Variants in SYNPO2 observed in about 807,000 individuals in gnomAD.
SYNPO2 encodes the protein synaptopodin 2, also known as synaptopodin-2.
In SYNPO2, 56 loss-of-function variants were observed where a neutral mutation model predicts 85.0. That is an observed-to-expected ratio of 0.66 (90% CI 0.53 to 0.82). The LOEUF is 0.82. SYNPO2 is among the 40% of genes least tolerant of loss of function. The probability of loss-of-function intolerance (pLI) is 0.00; values close to 1 mark genes in which losing one functional copy is unlikely to be tolerated. For synonymous variants in SYNPO2, 602 were observed against 591.1 expected (o/e 1.02, Z -0.27); for missense variants, 1,575 against 1,534.2 (o/e 1.03, Z -0.44).
chr4:118,919,540 T>A (rs1013501471), intron 1 of SYNPO2, among the ~76,000 whole-genome samples: 2 of 152,200 alleles, frequency 1.3e-5, no homozygotes, highest in African/African-American at 2.4e-5. Flanking sequence ...AAAGTTCTTC[T>A]CTTCAAAAAG....
intron 1 of SYNPO2, among the ~76,000 whole-genome samples, chr4:119,001,844 T>C (rs1736835102): frequency 6.6e-6 from 1 of 151,904 alleles, no homozygotes; most frequent in Non-Finnish European, 1.5e-5. Flanking sequence ...TATACATCTG[T>C]GTTTACCTTT....
chr4:118,917,615 C>G (rs1733385348), intron 1 of SYNPO2, among the ~76,000 whole-genome samples: 1 of 151,462 alleles, frequency 6.6e-6, no homozygotes, highest in African/African-American at 2.4e-5. Context: ...ACAATTTGGT[C>G]AAAACCAAAA....
At chr4:119,036,069 A>G (rs1738501041) in intron 4 of SYNPO2, 1 of 985,390 alleles carries the variant, frequency 1.0e-6, no homozygotes, top group Non-Finnish European at 1.2e-6. Flanking sequence ...CATTTCATCC[A>G]GTTATAAACT....
chr4:118,974,204 G>A (rs28591397), intron 1 of SYNPO2, among the ~76,000 whole-genome samples: 407 of 152,366 alleles, frequency 2.7e-3, no homozygotes, highest in African/African-American at 9.5e-3. Context: ...GCCGTAGCAA[G>A]TGGCATCTGT....
intron 1 of SYNPO2, among the ~76,000 whole-genome samples, chr4:118,950,168 T>C (rs970016323): frequency 7.2e-5 from 11 of 152,216 alleles, no homozygotes; most frequent in Non-Finnish European, 1.3e-4. Context: ...CATTAATTTG[T>C]AATAAGTTTT....
At chr4:118,915,627 T>C (rs1733290445) in intron 1 of SYNPO2, among the ~76,000 whole-genome samples, 1 of 152,184 alleles carries the variant, frequency 6.6e-6, no homozygotes, top group African/African-American at 2.4e-5. Context: ...TTTTTGCTAT[T>C]GTGAACACGT....
rs1300115131 is a variant in SYNPO2, at chr4:119,057,898, C to T, written c.3750C>T (p.Tyr1250=). The T allele has an allele frequency of 5.0e-6, 8 of 1,613,994 alleles. No homozygotes were observed. Among genetic ancestry groups the T allele is most frequent in the Non-Finnish European group, 6.8e-6 (8 of 1,179,952 alleles). Residue 1250 remains tyrosine, a synonymous_variant, in exon 5 of 5, where the codon TAC becomes TAT. Transcript: ENST00000307142. ...DYCLPVADYN[Y]NPHPRGWRRQ... is the part of the protein sequence containing the mutation. ...GTCTTCCAGTAGCTGATTACAACTA[C>T]AACCCACACCCAAGGGGATGGAGAC...
At chr4:119,010,868 A>G (rs1737270955) in intron 1 of SYNPO2, among the ~76,000 whole-genome samples, 1 of 152,206 alleles carries the variant, frequency 6.6e-6, no homozygotes, top group African/African-American at 2.4e-5. Flanking sequence ...CTACAACTCC[A>G]TTTCCTTACA....
At chr4:119,007,255 T>TAA (rs1737096087) in intron 1 of SYNPO2, among the ~76,000 whole-genome samples, 1 of 43,704 alleles carries the variant, frequency 2.3e-5, no homozygotes, top group Non-Finnish European at 4.5e-5. Flanking sequence ...TGTATATACA[T>TAA]ATATATATAT....
At chr4:119,052,501 A>G (rs1739085992) in intron 4 of SYNPO2, among the ~76,000 whole-genome samples, 1 of 152,218 alleles carries the variant, frequency 6.6e-6, no homozygotes, top group African/African-American at 2.4e-5. Flanking sequence ...AGGCCAGAAC[A>G]TGATGTTGCC....
At chr4:118,974,186 G>A (rs1236347977) in intron 1 of SYNPO2, among the ~76,000 whole-genome samples, 1 of 152,228 alleles carries the variant, frequency 6.6e-6, no homozygotes, top group Non-Finnish European at 1.5e-5. Flanking sequence ...AGTGCTCAAA[G>A]GGAATCAGCC....
intron 1 of SYNPO2, among the ~76,000 whole-genome samples, chr4:118,878,877 T>C (rs532206508): frequency 3.9e-5 from 6 of 152,328 alleles, no homozygotes; most frequent in African/African-American, 1.4e-4. Flanking sequence ...TCCTTTTCTG[T>C]CTTGTGGATG....
intron 4 of SYNPO2, chr4:119,033,797 C>A (rs1348994470): frequency 1.0e-6 from 1 of 984,328 alleles, no homozygotes; most frequent in Non-Finnish European, 1.2e-6. Flanking sequence ...TAAATAATTT[C>A]TCTGATATTT....
At chr4:118,915,435 GGTACCATGCT>G (rs1202524764) in intron 1 of SYNPO2, among the ~76,000 whole-genome samples, 2 of 151,894 alleles carry the variant, frequency 1.3e-5, no homozygotes, top group African/African-American at 4.8e-5. Context: ...TTTTTAAAAG[GGTACCATGCT>G]GTATGTAATC....
rs552059391 is a variant in SYNPO2 at position 119,058,586 on chromosome 4, T to A, written c.*652T>A. ...GCCTCCTGGGTTCAAGCAATTCTCC[T>A]GCCTCAGCCTCCTGAGTAGCTGGGA... On this transcript the variant is annotated 3_prime_UTR_variant, in exon 5 of 5. Coordinates refer to ENST00000307142, the MANE Select transcript of SYNPO2 (RefSeq NM_133477.3). 1 of 148,156 alleles carries A rather than the reference T, an allele frequency of 6.7e-6. No individual in the cohort carries two copies. Among genetic ancestry groups the A allele is most frequent in the Admixed American group, 7.1e-5 (1 of 14,108 alleles). The allele number at this position is 148,156 out of a possible 1,614,324, so 9.2% of individuals were successfully genotyped here.
intron 1 of SYNPO2, among the ~76,000 whole-genome samples, chr4:118,863,340 T>C (rs1731645196): frequency 6.6e-6 from 1 of 152,238 alleles, no homozygotes; most frequent in Non-Finnish European, 1.5e-5. Flanking sequence ...TGTTATTTGT[T>C]ATTGGTCTGT....
At chr4:119,023,017 C>A (rs1270967878) in intron 1 of SYNPO2, among the ~76,000 whole-genome samples, 1 of 151,902 alleles carries the variant, frequency 6.6e-6, no homozygotes, top group Non-Finnish European at 1.5e-5. Flanking sequence ...ACCTCGTGAT[C>A]CACCCGCCTT....
At chr4:118,928,394 C>A (rs1169651375) in intron 1 of SYNPO2, among the ~76,000 whole-genome samples, 1 of 152,064 alleles carries the variant, frequency 6.6e-6, no homozygotes, top group Non-Finnish European at 1.5e-5. Context: ...GCTTGCCAAC[C>A]TGCATATAAA....
At position 118,851,994 on chromosome 4, in the gene SYNPO2, A is replaced by G. The variant is rs79283128; in HGVS notation, c.12+1054A>G. 2.6e-3 allele frequency among the ~76,000 whole-genome samples: 394 copies of G among 152,348 alleles called. 2 individuals carry two copies. Among genetic ancestry groups the G allele is most frequent in the African/African-American group, 9.1e-3 (377 of 41,566 alleles). On this transcript the variant is annotated intron_variant, in intron 1 of 4. Coordinates refer to the SYNPO2 transcript ENST00000610556. ...TAATTGCAATGTGGAATCTGAAACC[A>G]TAGCAAGAAAGTTTTCTAACTGTTA...
Sources: allele counts gnomAD v4.1 joint callset (sites outside exome capture counted in the v4.1 genomes callset), GRCh38; gene constraint gnomAD v4.1.1; transcripts MANE v1.5; gene names NCBI Gene and HGNC (gene_info 2026-07-23, HGNC 2026-07-21).